RYR3: variants seen among roughly 807,000 people sequenced by gnomAD.
RYR3 encodes brain ryanodine receptor-calcium release channel.
In RYR3, 207 loss-of-function variants were observed where a neutral mutation model predicts 584.3. That is an observed-to-expected ratio of 0.35 (90% CI 0.32 to 0.40). The LOEUF (loss-of-function observed/expected upper bound fraction) is 0.40. Among genes scored for constraint, RYR3 ranks in the 10% least tolerant of loss-of-function variants. The pLI, the probability that RYR3 is intolerant of heterozygous loss-of-function variation, is 1.00. For synonymous variants in RYR3, 2,416 were observed against 2,248.5 expected, an observed-to-expected ratio of 1.07 and a Z score of -2.11; for missense variants, 5,616 against 6,089.2, an observed-to-expected ratio of 0.92 and a Z score of 2.59.
chr15:33,466,996 G>A (rs555224631), intron 1 of RYR3, among the ~76,000 whole-genome samples: 2 of 152,252 alleles, frequency 1.3e-5, no homozygotes, highest in Admixed American at 6.5e-5. Context: ...TAATCTGTGT[G>A]TAGTCTCGTC....
intron 3 of RYR3, among the ~76,000 whole-genome samples, chr15:33,518,679 T>C (rs1411016802): frequency 1.3e-5 from 2 of 152,236 alleles, no homozygotes; most frequent in African/African-American, 4.8e-5. Context: ...CCAGCTTCCA[T>C]TCATAGATCA....
chr15:33,684,783 T>G (rs1566947354), intron 38 of RYR3, among the ~76,000 whole-genome samples: 1 of 152,098 alleles, frequency 6.6e-6, no homozygotes, highest in East Asian at 1.9e-4. Flanking sequence ...CAGAAGAGGG[T>G]GGGGGCCAAT....
chr15:33,346,435 C>A (rs1256366972), intron 1 of RYR3, among the ~76,000 whole-genome samples: 2 of 152,212 alleles, frequency 1.3e-5, no homozygotes, highest in Non-Finnish European at 2.9e-5. Flanking sequence ...AATTTGCACC[C>A]AAAGTGTGGC....
At chr15:33,510,725 T>C (rs894022485) in intron 3 of RYR3, among the ~76,000 whole-genome samples, 1 of 152,146 alleles carries the variant, frequency 6.6e-6, no homozygotes, top group Non-Finnish European at 1.5e-5. Flanking sequence ...TAAATATTAT[T>C]ATAAATGAGA....
chr15:33,791,171 C>T (rs2082075), intron 67 of RYR3, among the ~76,000 whole-genome samples: 93,487 of 152,030 alleles, frequency 0.61, 29,879 homozygotes, highest in East Asian at 0.96. Flanking sequence ...AGAAATGTGG[C>T]CAAGAGAGGA....
At chr15:33,745,608 T>A (rs2070614401) in intron 52 of RYR3, among the ~76,000 whole-genome samples, 1 of 152,164 alleles carries the variant, frequency 6.6e-6, no homozygotes, top group Non-Finnish European at 1.5e-5. Flanking sequence ...TTCTTAAACT[T>A]CTGTGACTCT....
chr15:33,557,200 T>G lies in RYR3; in HGVS notation c.973-5637T>G, dbSNP rs147867838. Among the ~76,000 whole-genome samples, 561 of 152,080 alleles carry G rather than the reference T, an allele frequency of 3.7e-3. 3 individuals are homozygous for G. The Middle Eastern group carries it at 0.041, about 11-fold the overall frequency. ...GCAAGCCTCAGTGTTATCTATAAAG[T>G]AGGATAATACAAGCCATAGGGCCAT... On this transcript the variant is annotated intron_variant, in intron 10 of 103. Coordinates refer to ENST00000634891, the MANE Select transcript of RYR3 (RefSeq NM_001036.6).
At chr15:33,628,402 C>T in intron 20 of RYR3, 69 bp from the exon 21 acceptor site, 1 of 1,130,754 alleles carries the variant, frequency 8.8e-7, no homozygotes, top group Non-Finnish European at 1.3e-6. Flanking sequence ...AGTGGGGTGC[C>T]CAGCTCCTAT....
At chr15:33,738,670 T>C in intron 50 of RYR3, 80 bp downstream of exon 50, 3 of 1,499,420 alleles carry the variant, frequency 2.0e-6, no homozygotes, top group South Asian at 1.2e-5. Context: ...GTCATCTGTT[T>C]AGCATTCCAT....
intron 1 of RYR3, among the ~76,000 whole-genome samples, chr15:33,343,740 T>C (rs529587655): frequency 6.6e-6 from 1 of 152,336 alleles, no homozygotes; most frequent in South Asian, 2.1e-4. Flanking sequence ...TTGGTTCAAT[T>C]TTTCCGATGA....
At chr15:33,476,565 A>G (rs1305433238) in intron 2 of RYR3, among the ~76,000 whole-genome samples, 1 of 152,098 alleles carries the variant, frequency 6.6e-6, no homozygotes, top group Non-Finnish European at 1.5e-5. Flanking sequence ...TTTCTTTACT[A>G]TTTCAGCCAG....
At chr15:33,620,092 G>C (rs987876398) in intron 19 of RYR3, among the ~76,000 whole-genome samples, 4 of 152,044 alleles carry the variant, frequency 2.6e-5, no homozygotes, top group African/African-American at 9.7e-5. Context: ...GCCTTTCTGG[G>C]AAGTCCCTTT....
intron 16 of RYR3, among the ~76,000 whole-genome samples, chr15:33,591,884 A>G (rs2059147853): frequency 6.6e-6 from 1 of 152,236 alleles, no homozygotes; most frequent in Non-Finnish European, 1.5e-5. Context: ...GAAAAAATAT[A>G]GTTAGCATTT....
chr15:33,454,803 C>T lies in RYR3; in HGVS notation c.52-18616C>T, dbSNP rs148246630. On this transcript the variant is annotated intron_variant, in intron 1 of 103. Transcript: ENST00000634891. ...TGGCACTGCAGCAATAGCTCCATAG[C>T]GCTGAAGTTGATCATTTGGGTCAGG... 1.0e-3 allele frequency among the ~76,000 whole-genome samples: 153 copies of T among 152,178 alleles called. 1 individual carries two copies. In the South Asian group the frequency reaches 0.015, roughly 15 times the overall value.
chr15:33,838,107 C>T lies in RYR3; in HGVS notation c.12127C>T (p.Arg4043Cys), dbSNP rs897805506. ...CATGGGTGGGGCCAAGAAGATTGAG[C>T]GTGTTTATTTTGAGATCAGTGAATC... ...EIMGGAKKIE[R>C]VYFEISESSR... Residue 4043 changes from arginine to cysteine, a missense_variant, in exon 89 of 104, where the codon CGT (arginine) becomes TGT (cysteine). Transcript: ENST00000634891. 6.2e-7 allele frequency: 1 copy of T among 1,613,792 alleles called. No homozygotes were observed. Among genetic ancestry groups the T allele is most frequent in the African/African-American group, 1.3e-5 (1 of 74,948 alleles).
chr15:33,343,848 C>T (rs1203634936), intron 1 of RYR3, among the ~76,000 whole-genome samples: 5 of 152,182 alleles, frequency 3.3e-5, no homozygotes, highest in African/African-American at 1.2e-4. Context: ...TTGCTCCTAG[C>T]TTGAGAAAGA....
chr15:33,373,335 T>G (rs1414668690), intron 1 of RYR3, among the ~76,000 whole-genome samples: 1 of 152,222 alleles, frequency 6.6e-6, no homozygotes, highest in Non-Finnish European at 1.5e-5. Context: ...ATGTATTTAT[T>G]CCTAATTCAC....
intron 62 of RYR3, among the ~76,000 whole-genome samples, chr15:33,771,070 A>G (rs2073528813): frequency 6.6e-6 from 1 of 152,192 alleles, no homozygotes. Flanking sequence ...AGGTCTGATT[A>G]AGCTGTCTAC....
intron 74 of RYR3, chr15:33,813,813 A>C: frequency 2.4e-6 from 1 of 410,170 alleles, no homozygotes; most frequent in Non-Finnish European, 4.4e-6. Context: ...CACCATTTGT[A>C]CCCTAAAGTC....
Sources: gnomAD v4.1 joint callset for allele counts (sites outside exome capture counted in the v4.1 genomes callset) on GRCh38, gnomAD v4.1.1 for gene constraint, MANE v1.5 for transcripts, NCBI Gene and HGNC (gene_info 2026-07-23, HGNC 2026-07-21) for gene names.